APOL1: variants seen among roughly 807,000 people sequenced by gnomAD.
APOL1 encodes apolipoprotein L 1.
In APOL1, 17 loss-of-function variants were observed where a neutral mutation model predicts 14.9. The observed-to-expected ratio is 1.14, with a 90% confidence interval of 0.78 to 1.71. APOL1 has a LOEUF of 1.71. Ranked by LOEUF, APOL1 falls within the 40% of genes most tolerant of loss-of-function variation. The pLI is 0.00. For synonymous variants in APOL1, 195 were observed against 184.8 expected (o/e 1.05, Z -0.45); for missense variants, 523 against 485.9 (o/e 1.08, Z -0.72).
intron 2 of APOL1, among the ~76,000 whole-genome samples, chr22:36,256,013 C>CTCAGAAGTTA (rs2015863312): frequency 1.3e-5 from 2 of 152,218 alleles, no homozygotes; most frequent in South Asian, 4.2e-4. Context: ...CAGTTGTACC[C>CTCAGAAGTTA]AGTATTTCTT....
Position 36,259,637 on chromosome 22 carries a change from C to A in APOL1, c.188-1959C>A, listed in dbSNP as rs529439696. ...GGGGGACTGAGGAAAAACTCTCCCC[C>A]CAAAACAAGATGATCTGTGGTTTAA... On this transcript the variant is annotated intron_variant, in intron 4 of 5. Coordinates refer to ENST00000397278, the MANE Select transcript of APOL1 (RefSeq NM_003661.4). 2,363 of 1,273,010 alleles carry A rather than the reference C, an allele frequency of 1.9e-3. 60 individuals are homozygous for A. In the South Asian group the frequency reaches 0.028, roughly 15 times the overall value. The allele number at this position is 1,273,010 out of a possible 1,614,324, so 78.9% of individuals were successfully genotyped here. A position where few individuals can be genotyped will look rare whatever the true frequency, so the allele number is the denominator to read the frequency against.
Position 36,267,489 on chromosome 22 carries a change from C to T in APOL1, c.*1456C>T, listed in dbSNP as rs1056237641. ...TGTCTTGTCGCCGCCCAGGATTGAC[C>T]TGTGTGTAAGTCCCAATAAACTCAC... On this transcript the variant is annotated 3_prime_UTR_variant, in exon 6 of 6. Coordinates refer to ENST00000397278, the MANE Select transcript of APOL1 (RefSeq NM_003661.4). The T allele has an allele frequency of 6.6e-6, 1 of 152,048 alleles. No homozygotes were observed. Among genetic ancestry groups the T allele is most frequent in the South Asian group, 2.1e-4 (1 of 4,826 alleles). 9.4% of individuals were successfully genotyped at this position (152,048 alleles called of 1,614,324 possible).
intron 2 of APOL1, among the ~76,000 whole-genome samples, chr22:36,256,400 G>A (rs186088046): frequency 9.8e-5 from 15 of 152,306 alleles, no homozygotes; most frequent in Admixed American, 3.9e-4. Context: ...AGTTTTATGC[G>A]AAGAAGGATG....
chr22:36,258,537 G>A (rs949335523), intron 4 of APOL1, among the ~76,000 whole-genome samples: 3 of 152,142 alleles, frequency 2.0e-5, no homozygotes, highest in Admixed American at 1.3e-4. Flanking sequence ...AGGTGAGACC[G>A]GAACTTAGCC....
At position 36,266,630 on chromosome 22, in the gene APOL1, G is replaced by GCA; in HGVS notation, c.*597_*598insCA. The GCA allele has an allele frequency of 5.0e-6, 2 of 396,930 alleles. No homozygotes were observed. Among genetic ancestry groups the GCA allele is most frequent in the Non-Finnish European group, 4.4e-6 (1 of 225,052 alleles). The allele number at this position is 396,930 out of a possible 1,614,324, so 24.6% of individuals were successfully genotyped here. On this transcript the variant is annotated 3_prime_UTR_variant, in exon 6 of 6. Transcript: ENST00000397278. ...ACTAAAGAATATATTGGGGGGCCGG[G>GCA]TGTAGTGGCTCATGCCTGTAATCCG...
rs931899406 is a variant in APOL1, at chr22:36,259,986, A to G, written c.188-1610A>G. ...AACATAAGGAGTTTTAATGTTAAGG[A>G]GTTTAAGGAGAATGTCAAAGAAACA... On this transcript the variant is annotated intron_variant, in intron 4 of 5. Coordinates refer to ENST00000397278, the MANE Select transcript of APOL1 (RefSeq NM_003661.4). 17 of 1,157,754 alleles carry G rather than the reference A, an allele frequency of 1.5e-5. No homozygotes were observed. The African/African-American group carries it at 2.6e-4, about 18-fold the overall frequency. 71.7% of individuals were successfully genotyped at this position (1,157,754 alleles called of 1,614,324 possible). A position where few individuals can be genotyped will look rare whatever the true frequency, so the allele number is the denominator to read the frequency against.
Position 36,266,042 on chromosome 22 carries a change from C to A in APOL1, c.*9C>A. On this transcript the variant is annotated 3_prime_UTR_variant, in exon 6 of 6. Transcript: ENST00000397278. ...CGGACCAAGAACTGTGACCACAGGG[C>A]AGGGCAGCCACCAGGAGAGATATGC... 6.3e-7 allele frequency: 1 copy of A among 1,587,832 alleles called. No individual in the cohort carries two copies. Among genetic ancestry groups the A allele is most frequent in the Non-Finnish European group, 8.6e-7 (1 of 1,167,336 alleles).
chr22:36,255,510 T>G (rs1024085421), intron 2 of APOL1, among the ~76,000 whole-genome samples: 6 of 151,552 alleles, frequency 4.0e-5, no homozygotes, highest in Non-Finnish European at 7.4e-5. Context: ...CATACTCCCC[T>G]GGTGAACTGC....
chr22:36,254,189 T>G (rs2015781655), intron 1 of APOL1, among the ~76,000 whole-genome samples: 1 of 151,908 alleles, frequency 6.6e-6, no homozygotes, highest in African/African-American at 2.4e-5. Flanking sequence ...CCTGAGTATT[T>G]TCCCCTGTAA....
Position 36,257,387 on chromosome 22 carries a change from C to T in APOL1, c.167C>T (p.Ala56Val), listed in dbSNP as rs776494978. The T allele has an allele frequency of 7.4e-6, 12 of 1,614,078 alleles. No homozygotes were observed. Among genetic ancestry groups the T allele is most frequent in the Non-Finnish European group, 1.0e-5 (12 of 1,179,950 alleles). ...CAAAGTAAGCCCCTCGGTGACTGGGCTGCTGGCACCATGGACCCAGGTAGG... is the reference window on the plus strand; with the variant it reads ...CAAAGTAAGCCCCTCGGTGACTGGGTTGCTGGCACCATGGACCCAGGTAGG... Reference protein sequence around the residue: ...DPQSKPLGDWAAGTMDPESSI... With the variant: ...DPQSKPLGDWVAGTMDPESSI... The change falls in exon 4 of 6, where the codon GCT becomes GTT. Residue 56 changes from alanine to valine, a missense_variant. By Grantham distance (64) the Ala-to-Val change is moderately conservative (BLOSUM62 0). Transcript: ENST00000397278.
At chr22:36,253,858 G>A (rs1603481837) in intron 1 of APOL1, 2 of 1,415,236 alleles carry the variant, frequency 1.4e-6, no homozygotes, top group East Asian at 4.6e-5. Context: ...TGATGGAGAA[G>A]AAACAGGCTG....
intron 4 of APOL1, 136 bp downstream of exon 4, chr22:36,257,543 G>A: frequency 1.1e-6 from 1 of 874,316 alleles, no homozygotes; most frequent in Non-Finnish European, 1.9e-6. Context: ...AGCAGAAGAG[G>A]TCACGTGGAG....
intron 4 of APOL1, among the ~76,000 whole-genome samples, chr22:36,260,849 C>T (rs1486915139): frequency 1.3e-5 from 2 of 152,254 alleles, no homozygotes; most frequent in East Asian, 1.9e-4. Context: ...ACGCTTGGTA[C>T]ACTCTGATAT....
chr22:36,257,190 G>T, intron 3 of APOL1, 54 bp downstream of exon 3: 2 of 1,612,492 alleles, frequency 1.2e-6, no homozygotes, highest in East Asian at 4.5e-5. Context: ...CAAACAATCT[G>T]GTTTAGGTTG....
chr22:36,263,966 G>A (rs1270640623), intron 5 of APOL1, among the ~76,000 whole-genome samples: 8 of 152,236 alleles, frequency 5.3e-5, no homozygotes, highest in Admixed American at 2.6e-4. Context: ...ATAGCAAAGC[G>A]TAATCAGACA....
chr22:36,254,952 C>T lies in APOL1; in HGVS notation c.-4C>T, dbSNP rs185067088. ...CCTGCTCAAGGAGGAGGCCCTGCAG[C>T]GACATGGAGGGAGCTGCTTTGCTGA... On this transcript the variant is annotated 5_prime_UTR_variant, in exon 2 of 6. Transcript: ENST00000397278. 3.7e-4 allele frequency: 592 copies of T among 1,614,058 alleles called. 5 individuals carry two copies. Among genetic ancestry groups the T allele is most frequent in the Admixed American group, 1.0e-4 (6 of 60,020 alleles).
Position 36,254,927 on chromosome 22 carries a change from C to G in APOL1, c.-19-10C>G, listed in dbSNP as rs1399632983. 2 of 1,613,850 alleles carry G rather than the reference C, an allele frequency of 1.2e-6. No homozygotes were observed. Among genetic ancestry groups the G allele is most frequent in the Non-Finnish European group, 1.7e-6 (2 of 1,179,764 alleles). ...AGCACACTGTCTCAACCCCTCTTTT[C>G]CTGCTCAAGGAGGAGGCCCTGCAGC... On this transcript the variant is annotated splice_polypyrimidine_tract_variant and intron_variant, in intron 1 of 5. Transcript: ENST00000397278.
intron 2 of APOL1, among the ~76,000 whole-genome samples, chr22:36,256,797 G>A (rs1173308182): frequency 2.6e-5 from 4 of 152,174 alleles, no homozygotes; most frequent in African/African-American, 9.7e-5. Context: ...AAAAACACTG[G>A]CAAGTTCCCT....
chr22:36,259,714 G>T (rs1394571704), intron 4 of APOL1: 2 of 1,303,844 alleles, frequency 1.5e-6, no homozygotes, highest in South Asian at 1.2e-5. Context: ...TGTACCCTGA[G>T]ACCAGCCTGC....
Sources: allele counts gnomAD v4.1 joint callset (sites outside exome capture counted in the v4.1 genomes callset), GRCh38; gene constraint gnomAD v4.1.1; transcripts MANE v1.5; gene names NCBI Gene and HGNC (gene_info 2026-07-23, HGNC 2026-07-21).